Variants in HTR1F observed in about 807,000 individuals in gnomAD.
HTR1F encodes 5-hydroxytryptamine receptor 1F, also known as 5-hydroxytryptamine (serotonin) receptor 1F, G protein-coupled.
HTR1F carries 17 observed loss-of-function variants against 24.0 expected under a neutral mutation model. The observed-to-expected ratio is 0.71, with a 90% CI of 0.48 to 1.06. The LOEUF is 1.06. Among genes scored for constraint, HTR1F ranks in the 50% least tolerant of loss-of-function variants. The probability of loss-of-function intolerance (pLI) is 0.00; values close to 1 mark genes in which losing one functional copy is unlikely to be tolerated. For missense variants in HTR1F, 391 were observed against 427.8 expected, an observed-to-expected ratio of 0.91 and a Z score of 0.76; for synonymous variants, 186 against 156.8, an observed-to-expected ratio of 1.19 and a Z score of -1.39.
At chr3:87,796,507 G>A (rs1703908497) in intron 1 of HTR1F, among the ~76,000 whole-genome samples, 1 of 152,106 alleles carries the variant, frequency 6.6e-6, no homozygotes, top group Non-Finnish European at 1.5e-5. Flanking sequence ...AGGGGAGAAT[G>A]TATTTAAAGG....
intron 2 of HTR1F, among the ~76,000 whole-genome samples, chr3:87,879,345 C>G (rs561633311): frequency 6.6e-6 from 1 of 152,180 alleles, no homozygotes; most frequent in South Asian, 2.1e-4. Context: ...CAATATAAGT[C>G]TTAGTACTGA....
chr3:87,896,837 A>G (rs1180745736), intron 2 of HTR1F, among the ~76,000 whole-genome samples: 4 of 152,176 alleles, frequency 2.6e-5, no homozygotes, highest in African/African-American at 9.7e-5. Flanking sequence ...ATCGCTAATC[A>G]TCAGGAAAGC....
intron 2 of HTR1F, among the ~76,000 whole-genome samples, chr3:87,953,011 T>G (rs150227338): frequency 2.1e-3 from 317 of 151,968 alleles, no homozygotes; most frequent in African/African-American, 7.5e-3. Flanking sequence ...GTAATCAATC[T>G]TTATATATCT....
intron 2 of HTR1F, among the ~76,000 whole-genome samples, chr3:87,942,096 G>A (rs1397246860): frequency 1.3e-5 from 2 of 152,042 alleles, no homozygotes; most frequent in Admixed American, 6.6e-5. Flanking sequence ...CAGACTTCAG[G>A]ATTAATTCCT....
At chr3:87,960,340 T>C (rs1705034426) in intron 2 of HTR1F, among the ~76,000 whole-genome samples, 1 of 151,904 alleles carries the variant, frequency 6.6e-6, no homozygotes, top group Admixed American at 6.6e-5. Context: ...TATCAGAAAA[T>C]AGTAGCTGCC....
chr3:87,793,928 AATT>A (rs1407835220), intron 1 of HTR1F, among the ~76,000 whole-genome samples: 1 of 151,540 alleles, frequency 6.6e-6, no homozygotes, highest in Non-Finnish European at 1.5e-5. Flanking sequence ...ACAGATATAT[AATT>A]ATTACAATTT....
At chr3:87,943,652 A>G (rs1338623022) in intron 2 of HTR1F, among the ~76,000 whole-genome samples, 2 of 152,238 alleles carry the variant, frequency 1.3e-5, no homozygotes, top group African/African-American at 2.4e-5. Flanking sequence ...CACTTTTTAC[A>G]TAATTGCGAG....
At chr3:87,838,904 A>G (rs1022406293) in intron 2 of HTR1F, among the ~76,000 whole-genome samples, 3 of 151,282 alleles carry the variant, frequency 2.0e-5, no homozygotes, top group Non-Finnish European at 2.9e-5. Flanking sequence ...AGTTTCTTGT[A>G]TACTTTTGAT....
At chr3:87,919,802 C>T (rs1053850943) in intron 2 of HTR1F, among the ~76,000 whole-genome samples, 8 of 151,962 alleles carry the variant, frequency 5.3e-5, no homozygotes, top group Non-Finnish European at 7.4e-5. Flanking sequence ...CTATGGAGTA[C>T]AGTGTGGAGA....
intron 2 of HTR1F, among the ~76,000 whole-genome samples, chr3:87,950,940 C>T (rs1371409139): frequency 6.6e-6 from 1 of 152,124 alleles, no homozygotes; most frequent in Non-Finnish European, 1.5e-5. Context: ...AAGTTCTTAT[C>T]TCAGATATAA....
At chr3:87,835,281 C>A (rs1704659707) in intron 2 of HTR1F, among the ~76,000 whole-genome samples, 1 of 149,974 alleles carries the variant, frequency 6.7e-6, no homozygotes, top group African/African-American at 2.5e-5. Flanking sequence ...CCAAGACCCC[C>A]CCGCAAACCC....
chr3:87,984,461 T>G (rs1262678095), intron 2 of HTR1F, among the ~76,000 whole-genome samples: 1 of 151,638 alleles, frequency 6.6e-6, no homozygotes, highest in Non-Finnish European at 1.5e-5. Flanking sequence ...TTGTTTGTTT[T>G]GTTTTTGTTT....
At chr3:87,975,402 TG>T (rs1170149644) in intron 2 of HTR1F, among the ~76,000 whole-genome samples, 1 of 152,176 alleles carries the variant, frequency 6.6e-6, no homozygotes, top group East Asian at 1.9e-4. Flanking sequence ...TATTCTCAAA[TG>T]GTAAAAAGAA....
At chr3:87,870,792 A>T (rs1033561909) in intron 2 of HTR1F, among the ~76,000 whole-genome samples, 14 of 152,100 alleles carry the variant, frequency 9.2e-5, no homozygotes, top group African/African-American at 2.9e-4. Flanking sequence ...AGTTATTACA[A>T]GATTCTGAAA....
At chr3:87,801,355 T>C (rs779483031) in intron 1 of HTR1F, among the ~76,000 whole-genome samples, 2 of 152,204 alleles carry the variant, frequency 1.3e-5, no homozygotes, top group Non-Finnish European at 2.9e-5. Context: ...ATCTTGTTTG[T>C]GTGAACCCAG....
intron 2 of HTR1F, among the ~76,000 whole-genome samples, chr3:87,872,134 A>T (rs1705571568): frequency 6.6e-6 from 1 of 152,158 alleles, no homozygotes; most frequent in Non-Finnish European, 1.5e-5. Flanking sequence ...TGTGGAAATT[A>T]AAAAACATAC....
intron 2 of HTR1F, among the ~76,000 whole-genome samples, chr3:87,946,647 A>C (rs1397928270): frequency 3.4e-5 from 5 of 146,562 alleles, no homozygotes; most frequent in African/African-American, 1.3e-4. Context: ...TTTTTTAAAC[A>C]GTCTCACTCT....
At chr3:87,829,664 T>A (rs72911668) in intron 2 of HTR1F, among the ~76,000 whole-genome samples, 5 of 152,124 alleles carry the variant, frequency 3.3e-5, no homozygotes, top group Non-Finnish European at 5.9e-5. Context: ...TTAACTATTC[T>A]TTTTTGGTTC....
intron 2 of HTR1F, among the ~76,000 whole-genome samples, chr3:87,838,981 C>T (rs1257770540): frequency 2.7e-5 from 4 of 150,342 alleles, no homozygotes; most frequent in African/African-American, 4.9e-5. Context: ...TCTCTTTATT[C>T]TATTGATTGT....
Sources: allele counts gnomAD v4.1 joint callset (sites outside exome capture counted in the v4.1 genomes callset), GRCh38; gene constraint gnomAD v4.1.1; transcripts MANE v1.5; gene names NCBI Gene and HGNC (gene_info 2026-07-23, HGNC 2026-07-21).